The following SEMA6D variants were observed in gnomAD, a reference collection of about 807,000 sequenced individuals.
SEMA6D encodes semaphorin 6D.
SEMA6D carries 35 observed loss-of-function variants against 106.6 expected under a neutral mutation model. The observed-to-expected ratio is 0.33, with a 90% CI of 0.25 to 0.44. SEMA6D has a LOEUF of 0.44. Among genes scored for constraint, SEMA6D ranks in the 20% least tolerant of loss-of-function variants. The pLI is 1.00. For missense variants in SEMA6D, 1,185 were observed against 1,345.9 expected (o/e 0.88, Z 1.87); for synonymous variants, 499 against 487.7 (o/e 1.02, Z -0.31).
chr15:47,222,501 C>T (rs532372686), intron 1 of SEMA6D, among the ~76,000 whole-genome samples: 7 of 152,212 alleles, frequency 4.6e-5, no homozygotes, highest in East Asian at 1.9e-4. Context: ...TTTCATAAAC[C>T]GTCTGTGTTT....
chr15:47,689,861 G>C (rs1248388370), intron 4 of SEMA6D, among the ~76,000 whole-genome samples: 1 of 152,202 alleles, frequency 6.6e-6, no homozygotes, highest in Non-Finnish European at 1.5e-5. Flanking sequence ...GGGGCACACA[G>C]CTTTTTGGTA....
chr15:47,424,060 A>G (rs2041254583), intron 2 of SEMA6D, among the ~76,000 whole-genome samples: 1 of 152,114 alleles, frequency 6.6e-6, no homozygotes, highest in African/African-American at 2.4e-5. Flanking sequence ...TAAATTTTAA[A>G]TAGGAAATCA....
intron 4 of SEMA6D, among the ~76,000 whole-genome samples, chr15:47,666,992 G>T (rs1310847471): frequency 6.6e-6 from 1 of 152,096 alleles, no homozygotes; most frequent in African/African-American, 2.4e-5. Flanking sequence ...ACTGGACTCA[G>T]CATTGGAGTC....
chr15:47,671,021 T>C (rs866344133), intron 4 of SEMA6D, among the ~76,000 whole-genome samples: 1 of 152,172 alleles, frequency 6.6e-6, no homozygotes, highest in Non-Finnish European at 1.5e-5. Context: ...AAAAATTGTG[T>C]TTTTATTCCA....
At position 47,633,426 on chromosome 15, in the gene SEMA6D, T is replaced by G. The variant is rs116864655; in HGVS notation, c.-55+32530T>G. 8.5e-5 allele frequency among the ~76,000 whole-genome samples: 13 copies of G among 152,256 alleles called. No individual in the cohort carries two copies. In the East Asian group the frequency reaches 2.5e-3, roughly 29 times the overall value. On this transcript the variant is annotated intron_variant, in intron 4 of 19. Coordinates refer to the SEMA6D transcript ENST00000558014. ...ATAGAAATCAGAGTTGACAATTCTT[T>G]TAGTATTTTTAAATAATGTGCAATT... is the stretch of plus-strand genomic sequence containing the variant.
At chr15:47,338,396 G>A (rs1217627802) in intron 1 of SEMA6D, among the ~76,000 whole-genome samples, 2 of 152,020 alleles carry the variant, frequency 1.3e-5, no homozygotes, top group Admixed American at 6.6e-5. Context: ...AGATTGAAGG[G>A]GATAAATGCT....
chr15:47,430,361 C>A (rs1191279794), intron 2 of SEMA6D, among the ~76,000 whole-genome samples: 1 of 152,012 alleles, frequency 6.6e-6, no homozygotes, highest in East Asian at 1.9e-4. Flanking sequence ...CTGTCCCTTT[C>A]TTGATGTGGG....
intron 3 of SEMA6D, among the ~76,000 whole-genome samples, chr15:47,491,844 G>A (rs1031956854): frequency 6.6e-6 from 1 of 152,086 alleles, no homozygotes; most frequent in Non-Finnish European, 1.5e-5. Context: ...TGTTCCTCAT[G>A]GTTTGTGCCT....
At chr15:47,629,844 A>G (rs1799381006) in intron 4 of SEMA6D, among the ~76,000 whole-genome samples, 1 of 151,852 alleles carries the variant, frequency 6.6e-6, no homozygotes, top group African/African-American at 2.4e-5. Flanking sequence ...TATAGTGACC[A>G]CCAATGCTAT....
intron 4 of SEMA6D, among the ~76,000 whole-genome samples, chr15:47,654,987 TGAGGAG>T (rs138398185): frequency 6.6e-6 from 1 of 152,138 alleles, no homozygotes; most frequent in African/African-American, 2.4e-5. Context: ...CTGGGTAGGC[TGAGGAG>T]GAGGAGGAAG....
intron 1 of SEMA6D, among the ~76,000 whole-genome samples, chr15:47,749,027 A>C (rs1346847631): frequency 1.9e-5 from 1 of 53,740 alleles, no homozygotes; most frequent in Non-Finnish European, 1.1e-4. Flanking sequence ...GCCTGAGAAG[A>C]ACATGAAAAA....
At chr15:47,420,608 T>A (rs1303772697) in intron 2 of SEMA6D, among the ~76,000 whole-genome samples, 1 of 152,108 alleles carries the variant, frequency 6.6e-6, no homozygotes, top group Non-Finnish European at 1.5e-5. Context: ...CCTGATATTC[T>A]GCCTTTGCTG....
chr15:47,275,203 G>A (rs1469358561), intron 1 of SEMA6D: 1 of 152,068 alleles, frequency 6.6e-6, no homozygotes, highest in Non-Finnish European at 1.5e-5. Context: ...CATTTTCTGT[G>A]AGCAAGAGAT....
At chr15:47,474,036 T>C (rs2042933039) in intron 3 of SEMA6D, among the ~76,000 whole-genome samples, 1 of 151,864 alleles carries the variant, frequency 6.6e-6, no homozygotes, top group Non-Finnish European at 1.5e-5. Context: ...CTGGCAATGG[T>C]ATAGGAAGAA....
chr15:47,330,354 CT>C (rs2037295403), intron 1 of SEMA6D, among the ~76,000 whole-genome samples: 1 of 152,146 alleles, frequency 6.6e-6, no homozygotes, highest in African/African-American at 2.4e-5. Flanking sequence ...GCACTATCTC[CT>C]AGAAGGGATC....
chr15:47,753,337 G>T (rs1052055172), intron 1 of SEMA6D, among the ~76,000 whole-genome samples: 7 of 152,150 alleles, frequency 4.6e-5, no homozygotes, highest in African/African-American at 1.7e-4. Context: ...CTCAACTAGT[G>T]CTCAGCTGCT....
chr15:47,517,532 TG>T (rs1412442076), intron 3 of SEMA6D, among the ~76,000 whole-genome samples: 1 of 152,194 alleles, frequency 6.6e-6, no homozygotes, highest in Non-Finnish European at 1.5e-5. Flanking sequence ...GGAAACAGAC[TG>T]GGAACAAAAT....
intron 3 of SEMA6D, among the ~76,000 whole-genome samples, chr15:47,598,067 A>G (rs1263216904): frequency 6.6e-6 from 1 of 152,014 alleles, no homozygotes; most frequent in African/African-American, 2.4e-5. Flanking sequence ...CTGAATTTAT[A>G]ATATTGTGCA....
Position 47,688,167 on chromosome 15 carries a change from C to G in SEMA6D, c.-54-71578C>G, listed in dbSNP as rs546671860. 5.5e-4 allele frequency among the ~76,000 whole-genome samples: 84 copies of G among 151,936 alleles called. No homozygotes were observed. The Middle Eastern group carries it at 0.02, about 37-fold the overall frequency. ...TGAATTTACACTAAGTTCATAGAGT[C>G]CACAGTGTGACAGTGTGATGATAGT... is the stretch of plus-strand genomic sequence containing the variant. On this transcript the variant is annotated intron_variant, in intron 4 of 19. Transcript: ENST00000558014.
Sources: gnomAD v4.1 joint callset for allele counts (sites outside exome capture counted in the v4.1 genomes callset) on GRCh38, gnomAD v4.1.1 for gene constraint, MANE v1.5 for transcripts, NCBI Gene and HGNC (gene_info 2026-07-23, HGNC 2026-07-21) for gene names.